ZMIZ1: variants seen among roughly 807,000 people sequenced by gnomAD.
ZMIZ1 encodes the protein zinc finger MIZ domain-containing protein 1.
In ZMIZ1, 17 loss-of-function variants were observed where a neutral mutation model predicts 113.9. That is an observed-to-expected ratio of 0.15 (90% confidence interval 0.10 to 0.22). ZMIZ1 has a LOEUF of 0.22. Ranked by LOEUF, ZMIZ1 falls within the 10% of genes least tolerant of loss-of-function variation. The pLI, the probability that ZMIZ1 is intolerant of heterozygous loss-of-function variation, is 1.00. For synonymous variants in ZMIZ1, 607 were observed against 603.1 expected, an observed-to-expected ratio of 1.01 and a Z score of -0.09; for missense variants, 1,059 against 1,477.8, an observed-to-expected ratio of 0.72 and a Z score of 4.65.
At chr10:79,104,182 G>T (rs189948619) in intron 1 of ZMIZ1, among the ~76,000 whole-genome samples, 176 of 152,328 alleles carry the variant, frequency 1.2e-3, no homozygotes, top group African/African-American at 3.9e-3. Context: ...CCCCAGGATG[G>T]AGTAGAAGGT....
chr10:79,114,490 T>TGTGC (rs780994480), intron 1 of ZMIZ1, among the ~76,000 whole-genome samples: 12 of 103,094 alleles, frequency 1.2e-4, no homozygotes, highest in African/African-American at 4.3e-4. Flanking sequence ...TGTGTGTGTG[T>TGTGC]GTGCGTGTGT....
rs1287789695 is a variant in ZMIZ1, at chr10:79,305,542, T to C, written c.2364T>C (p.Ala788=). 6.2e-7 allele frequency: 1 copy of C among 1,613,604 alleles called. No homozygotes were observed. Among genetic ancestry groups the C allele is most frequent in the East Asian group, 2.2e-5 (1 of 44,848 alleles). The change falls in exon 21 of 25, where the codon GCT becomes GCC. Residue 788 remains alanine (A), a synonymous_variant. Transcript: ENST00000334512. ...CCATCTCCTTTTCCAGTAAAACCGC[T>C]CTGCTGGAGGGCCTGGAGGTGGATC... ...TWRCPVCNKT[A]LLEGLEVDQY... is the part of the protein sequence containing the mutation.
chr10:79,174,433 C>T (rs1290260205), intron 4 of ZMIZ1, among the ~76,000 whole-genome samples: 1 of 152,204 alleles, frequency 6.6e-6, no homozygotes, highest in Non-Finnish European at 1.5e-5. Flanking sequence ...CAGTAGATTG[C>T]ACCTCCATTT....
At chr10:79,227,336 C>A (rs1849235503) in intron 7 of ZMIZ1, among the ~76,000 whole-genome samples, 1 of 152,188 alleles carries the variant, frequency 6.6e-6, no homozygotes, top group African/African-American at 2.4e-5. Context: ...TGATGAATAG[C>A]AGAGAGCCTG....
At chr10:79,246,155 A>G (rs1850182919) in intron 7 of ZMIZ1, among the ~76,000 whole-genome samples, 1 of 152,354 alleles carries the variant, frequency 6.6e-6, no homozygotes, top group East Asian at 1.9e-4. Flanking sequence ...CTTTTGCCCA[A>G]GGTCATCCAG....
At chr10:79,308,644 G>A (rs1257749725) in intron 23 of ZMIZ1, among the ~76,000 whole-genome samples, 6 of 152,180 alleles carry the variant, frequency 3.9e-5, no homozygotes, top group Non-Finnish European at 7.3e-5. Flanking sequence ...AGGAGTCCAA[G>A]TCGGAAATAG....
At chr10:79,183,738 G>A (rs1847231750) in intron 4 of ZMIZ1, among the ~76,000 whole-genome samples, 1 of 152,184 alleles carries the variant, frequency 6.6e-6, no homozygotes, top group African/African-American at 2.4e-5. Flanking sequence ...TATGTGGGAT[G>A]GTTGAAAGAA....
chr10:79,277,910 A>G (rs1852404388), intron 8 of ZMIZ1, among the ~76,000 whole-genome samples: 2 of 152,204 alleles, frequency 1.3e-5, no homozygotes, highest in South Asian at 4.1e-4. Flanking sequence ...TGAGCTGGGG[A>G]TGCTCTCTCT....
At chr10:79,132,379 G>T (rs1016880594) in intron 2 of ZMIZ1, among the ~76,000 whole-genome samples, 1 of 152,218 alleles carries the variant, frequency 6.6e-6, no homozygotes, top group African/African-American at 2.4e-5. Flanking sequence ...GTCTGTCTGA[G>T]CCCAGGTCCT....
chr10:79,108,567 A>G (rs1746823678), intron 1 of ZMIZ1, among the ~76,000 whole-genome samples: 1 of 152,080 alleles, frequency 6.6e-6, no homozygotes, highest in Admixed American at 6.5e-5. Context: ...GAGGCCGGAC[A>G]TATTGGGCTA....
At chr10:79,273,145 C>G (rs1251813464) in intron 7 of ZMIZ1, among the ~76,000 whole-genome samples, 3 of 152,278 alleles carry the variant, frequency 2.0e-5, no homozygotes, top group African/African-American at 7.2e-5. Context: ...TTTCTCCTCC[C>G]CCAAAGAAGG....
intron 11 of ZMIZ1, chr10:79,292,916 G>A (rs1853601257): frequency 4.3e-6 from 2 of 463,494 alleles, no homozygotes; most frequent in East Asian, 6.7e-5. Context: ...GCTGGGCTGA[G>A]GCCAACTTTG....
chr10:79,197,949 C>T (rs538021082), intron 4 of ZMIZ1, among the ~76,000 whole-genome samples: 113 of 152,192 alleles, frequency 7.4e-4, no homozygotes, highest in African/African-American at 2.6e-3. Context: ...CCTAGGACCC[C>T]GCACAGTGTC....
At chr10:79,135,631 C>T (rs1271252759) in intron 2 of ZMIZ1, among the ~76,000 whole-genome samples, 1 of 152,150 alleles carries the variant, frequency 6.6e-6, no homozygotes, top group African/African-American at 2.4e-5. Context: ...TTTGACAAGG[C>T]CAGGTGTTGT....
intron 2 of ZMIZ1, among the ~76,000 whole-genome samples, chr10:79,135,169 A>G (rs1844948223): frequency 6.6e-6 from 1 of 152,220 alleles, no homozygotes; most frequent in Non-Finnish European, 1.5e-5. Context: ...CACGGCTTAC[A>G]GTACCTAATA....
intron 7 of ZMIZ1, among the ~76,000 whole-genome samples, chr10:79,262,157 C>G (rs1055403044): frequency 6.6e-6 from 1 of 152,228 alleles, no homozygotes; most frequent in African/African-American, 2.4e-5. Context: ...AGTAACAGAG[C>G]ACCTGCATCT....
rs1382359293 is a variant in ZMIZ1, at chr10:79,241,702, T to C, written c.280+25428T>C. 2.0e-5 allele frequency among the ~76,000 whole-genome samples: 3 copies of C among 152,086 alleles called. No individual in the cohort carries two copies. In the East Asian group the frequency reaches 5.8e-4, roughly 29 times the overall value. ...GGGTGGGATTAGAGCCTGCTAACGA[T>C]TTATGTCAAACAAGGAGCAAGAACA... On this transcript the variant is annotated intron_variant, in intron 7 of 24. Coordinates refer to ENST00000334512, the MANE Select transcript of ZMIZ1 (RefSeq NM_020338.4).
chr10:79,285,170 C>T (rs1325553807), intron 8 of ZMIZ1, among the ~76,000 whole-genome samples: 1 of 152,212 alleles, frequency 6.6e-6, no homozygotes, highest in Non-Finnish European at 1.5e-5. Context: ...GGCAGCCTTG[C>T]CCTTGATTGG....
At chr10:79,200,678 TTATC>T in intron 4 of ZMIZ1, among the ~76,000 whole-genome samples, 1 of 152,176 alleles carries the variant, frequency 6.6e-6, no homozygotes, top group Non-Finnish European at 1.5e-5. Flanking sequence ...CTCAGTTTCT[TTATC>T]TAGAAAATGG....
Sources: gnomAD v4.1 joint callset for allele counts (sites outside exome capture counted in the v4.1 genomes callset) on GRCh38, gnomAD v4.1.1 for gene constraint, MANE v1.5 for transcripts, NCBI Gene and HGNC (gene_info 2026-07-23, HGNC 2026-07-21) for gene names.